The following IMMP2L variants were observed in gnomAD, a reference collection of about 807,000 sequenced individuals.
IMMP2L encodes inner mitochondrial membrane peptidase subunit 2.
IMMP2L carries 18 observed loss-of-function variants against 19.3 expected under a neutral mutation model. The observed-to-expected ratio is 0.93, with a 90% CI of 0.64 to 1.38. The LOEUF (loss-of-function observed/expected upper bound fraction) is 1.38. Ranked by LOEUF, IMMP2L falls within the 40% of genes most tolerant of loss-of-function variation. The pLI, the probability that IMMP2L is intolerant of heterozygous loss-of-function variation, is 0.00. For synonymous variants in IMMP2L, 76 were observed against 73.0 expected (o/e 1.04, Z -0.21); for missense variants, 233 against 218.2 (o/e 1.07, Z -0.43).
intron 3 of IMMP2L, among the ~76,000 whole-genome samples, chr7:111,010,556 C>T (rs774334850): frequency 1.3e-5 from 2 of 152,048 alleles, no homozygotes; most frequent in Non-Finnish European, 1.5e-5. Flanking sequence ...CATTAGCATG[C>T]TTTTCTCAAA....
intron 3 of IMMP2L, among the ~76,000 whole-genome samples, chr7:111,005,376 G>C (rs866209127): frequency 6.6e-6 from 1 of 152,040 alleles, no homozygotes; most frequent in Non-Finnish European, 1.5e-5. Flanking sequence ...AGTAGCTCTC[G>C]GAAATTATTA....
intron 5 of IMMP2L, among the ~76,000 whole-genome samples, chr7:110,855,687 C>T (rs1420729356): frequency 1.3e-5 from 2 of 151,926 alleles, no homozygotes; most frequent in Non-Finnish European, 2.9e-5. Context: ...TTTTCCCAAT[C>T]CAAATTTATC....
chr7:110,804,738 C>T (rs568404365), intron 5 of IMMP2L, among the ~76,000 whole-genome samples: 181 of 152,188 alleles, frequency 1.2e-3, no homozygotes, highest in Non-Finnish European at 2.0e-3. Context: ...ACCCACTCCC[C>T]GCTGGGGCTG....
chr7:111,089,473 C>T (rs543998272), intron 3 of IMMP2L, among the ~76,000 whole-genome samples: 1 of 151,958 alleles, frequency 6.6e-6, no homozygotes, highest in African/African-American at 2.4e-5. Flanking sequence ...ATAAATCCTG[C>T]AGATACTGAA....
intron 5 of IMMP2L, among the ~76,000 whole-genome samples, chr7:110,714,551 T>C (rs762308404): frequency 2.0e-4 from 30 of 152,264 alleles, no homozygotes; most frequent in Non-Finnish European, 3.7e-4. Flanking sequence ...GTATGACTGA[T>C]AGAATTTGGC....
intron 3 of IMMP2L, among the ~76,000 whole-genome samples, chr7:111,369,704 C>T (rs1187409368): frequency 6.6e-6 from 1 of 151,880 alleles, no homozygotes; most frequent in South Asian, 2.1e-4. Flanking sequence ...TTAATTTTAA[C>T]ACTTATCAAG....
In IMMP2L at chr7:111,442,706, G is replaced by C. The variant is rs1249728369; in HGVS notation, c.239+44532C>G. Among the ~76,000 whole-genome samples, 5 of 151,848 alleles carry C rather than the reference G, an allele frequency of 3.3e-5. No homozygotes were observed. In the East Asian group the frequency reaches 9.6e-4, roughly 29 times the overall value. Reference sequence around the variant, plus strand: ...TACAAATAAACTAGTACTGGATGCAGCTAATAAAGCACATGATACTATAAT... The same window carrying C: ...TACAAATAAACTAGTACTGGATGCACCTAATAAAGCACATGATACTATAAT... On this transcript the variant is annotated intron_variant, in intron 3 of 5. Transcript: ENST00000405709.
At chr7:111,243,436 T>C (rs1420728314) in intron 3 of IMMP2L, among the ~76,000 whole-genome samples, 3 of 152,008 alleles carry the variant, frequency 2.0e-5, no homozygotes, top group Non-Finnish European at 4.4e-5. Flanking sequence ...TTCCAGTCCT[T>C]CATGTTTTAC....
intron 4 of IMMP2L, among the ~76,000 whole-genome samples, chr7:110,951,774 C>T (rs1170642605): frequency 6.6e-6 from 1 of 151,928 alleles, no homozygotes; most frequent in Admixed American, 6.6e-5. Flanking sequence ...TCTTCATTGT[C>T]CATAAACAGC....
chr7:110,663,763 T>C, intron 5 of IMMP2L, 42 bp from the exon 6 acceptor site: 4 of 1,385,826 alleles, frequency 2.9e-6, no homozygotes, highest in African/African-American at 1.5e-5. Context: ...AAAGAGATCA[T>C]TTTATAAGAA....
At chr7:110,923,886 C>T (rs1465002791) in intron 4 of IMMP2L, among the ~76,000 whole-genome samples, 2 of 152,042 alleles carry the variant, frequency 1.3e-5, no homozygotes, top group Non-Finnish European at 2.9e-5. Flanking sequence ...ATCCCAATGC[C>T]CTACAGGTTA....
chr7:111,424,333 A>G (rs1443893138), intron 3 of IMMP2L, among the ~76,000 whole-genome samples: 3 of 151,752 alleles, frequency 2.0e-5, no homozygotes, highest in Non-Finnish European at 4.4e-5. Context: ...GAGAAGGAAG[A>G]TAGATGGGTG....
intron 3 of IMMP2L, among the ~76,000 whole-genome samples, chr7:111,072,309 T>C (rs990271068): frequency 6.6e-6 from 1 of 152,222 alleles, no homozygotes; most frequent in African/African-American, 2.4e-5. Context: ...ATAATATGTA[T>C]ACAAAATACT....
At chr7:111,221,836 C>T (rs1015758570) in intron 3 of IMMP2L, among the ~76,000 whole-genome samples, 17 of 151,896 alleles carry the variant, frequency 1.1e-4, no homozygotes, top group African/African-American at 3.1e-4. Flanking sequence ...AAAACGTCTC[C>T]TGCCAGATAC....
At chr7:111,349,949 T>G (rs1424501332) in intron 3 of IMMP2L, among the ~76,000 whole-genome samples, 1 of 151,952 alleles carries the variant, frequency 6.6e-6, no homozygotes, top group Non-Finnish European at 1.5e-5. Flanking sequence ...CATTACTTTA[T>G]TTATCAAAAC....
chr7:111,235,469 C>T (rs1392882211), intron 3 of IMMP2L, among the ~76,000 whole-genome samples: 1 of 146,946 alleles, frequency 6.8e-6, no homozygotes, highest in Non-Finnish European at 1.5e-5. Flanking sequence ...GAAACTCCGT[C>T]TAAAAAAAAA....
At chr7:111,200,689 A>G (rs1391509173) in intron 3 of IMMP2L, among the ~76,000 whole-genome samples, 2 of 152,168 alleles carry the variant, frequency 1.3e-5, no homozygotes, top group African/African-American at 2.4e-5. Flanking sequence ...ATCTATATCC[A>G]TAATAGATAA....
rs374764160 is a variant in IMMP2L, at chr7:111,012,699, T to C, written c.240-49134A>G. Among the ~76,000 whole-genome samples, 28 of 152,222 alleles carry C rather than the reference T, an allele frequency of 1.8e-4. 1 individual carries two copies. In the East Asian group the frequency reaches 3.7e-3, roughly 20 times the overall value. The stretch of plus-strand genomic sequence containing the variant: ...TTAGGTAAGTTAGGGTGGACACATG[T>C]TTATAGGATCACAGAACAGAAATTT... On this transcript the variant is annotated intron_variant, in intron 3 of 5. Transcript: ENST00000405709.
intron 3 of IMMP2L, among the ~76,000 whole-genome samples, chr7:111,370,151 A>G (rs950610765): frequency 2.6e-5 from 4 of 152,008 alleles, no homozygotes; most frequent in Non-Finnish European, 5.9e-5. Context: ...GTCATGTGAA[A>G]CTGAGCAAGT....
Sources: allele counts gnomAD v4.1 joint callset (sites outside exome capture counted in the v4.1 genomes callset), GRCh38; gene constraint gnomAD v4.1.1; transcripts MANE v1.5; gene names NCBI Gene and HGNC (gene_info 2026-07-23, HGNC 2026-07-21).